Variants in EPB41L4A observed in about 807,000 individuals in gnomAD.
The protein encoded by EPB41L4A is band 4.1-like protein 4A.
A neutral mutation model predicts 108.6 loss-of-function variants in EPB41L4A; 100 were observed. The ratio of observed to expected loss-of-function variants is 0.92; its 90% CI spans 0.78 to 1.09. EPB41L4A has a LOEUF of 1.09. EPB41L4A is among the 50% of genes least tolerant of loss of function. The pLI, the probability that EPB41L4A is intolerant of heterozygous loss-of-function variation, is 0.00. For synonymous variants in EPB41L4A, 319 were observed against 289.0 expected (o/e 1.10, Z -1.05); for missense variants, 1,030 against 842.7 (o/e 1.22, Z -2.75).
intron 6 of EPB41L4A, among the ~76,000 whole-genome samples, chr5:112,263,253 TGTGA>T (rs562378493): frequency 6.6e-6 from 1 of 152,108 alleles, no homozygotes; most frequent in Non-Finnish European, 1.5e-5. Flanking sequence ...TGTGTGAGTG[TGTGA>T]GAGAGAGAGA....
At chr5:112,301,504 C>T (rs1190994363) in intron 2 of EPB41L4A, among the ~76,000 whole-genome samples, 1 of 152,162 alleles carries the variant, frequency 6.6e-6, no homozygotes, top group Non-Finnish European at 1.5e-5. Flanking sequence ...TGTGAACCAT[C>T]TTCATGTCTC....
At chr5:112,391,837 G>A (rs998138545) in intron 1 of EPB41L4A, among the ~76,000 whole-genome samples, 4 of 152,100 alleles carry the variant, frequency 2.6e-5, no homozygotes, top group African/African-American at 4.8e-5. Context: ...GAGAAAGGTC[G>A]GGTTACCCAC....
At chr5:112,215,544 T>C (rs185578839) in intron 12 of EPB41L4A, among the ~76,000 whole-genome samples, 2 of 151,900 alleles carry the variant, frequency 1.3e-5, no homozygotes, top group Admixed American at 6.6e-5. Flanking sequence ...GGGCGGATCA[T>C]GAGGTCAGGA....
chr5:112,204,003 C>T (rs1762344384), intron 15 of EPB41L4A, among the ~76,000 whole-genome samples: 1 of 151,462 alleles, frequency 6.6e-6, no homozygotes, highest in Non-Finnish European at 1.5e-5. Flanking sequence ...CGTGCCACTG[C>T]ACTCCAGCCT....
Position 112,262,578 on chromosome 5 carries a change from AC to A in EPB41L4A, c.557del (p.Gly186ValfsTer9), listed in dbSNP as rs1405568176. On this transcript the variant is annotated frameshift_variant and splice_region_variant, in exon 7 of 23. Transcript: ENST00000261486. LOFTEE classifies it high-confidence loss of function. ...TCAGCTCAGCCTCAGAAGGAATCTG[AC>A]CCCTACACCCAGCACAAAAACAAAG... Reference protein sequence around the residue: ...AIERIHKTLMGQIPSEAELNY... With the variant: ...AIERIHKTLMXQIPSEAELNY... 1.2e-6 allele frequency: 2 copies of A among 1,613,316 alleles called. No homozygotes were observed. The highest frequency in any genetic ancestry group is 1.7e-6 in the Non-Finnish European group (2 of 1,179,758).
At chr5:112,167,187 T>C (rs1259639647) in intron 22 of EPB41L4A, among the ~76,000 whole-genome samples, 2 of 142,360 alleles carry the variant, frequency 1.4e-5, no homozygotes, top group Non-Finnish European at 3.0e-5. Flanking sequence ...CCCTAGGAGG[T>C]AGGTTATCTA....
chr5:112,349,740 C>T (rs1342364073), intron 1 of EPB41L4A, among the ~76,000 whole-genome samples: 1 of 151,894 alleles, frequency 6.6e-6, no homozygotes, highest in Non-Finnish European at 1.5e-5. Flanking sequence ...AACATGGGGT[C>T]CAAAATGGCA....
intron 12 of EPB41L4A, among the ~76,000 whole-genome samples, chr5:112,227,334 G>A (rs556846167): frequency 1.8e-4 from 27 of 152,182 alleles, no homozygotes; most frequent in East Asian, 3.9e-4. Flanking sequence ...CCATTACAGC[G>A]AATATACCTC....
intron 17 of EPB41L4A, among the ~76,000 whole-genome samples, chr5:112,193,147 T>C (rs1761788360): frequency 6.6e-6 from 1 of 152,194 alleles, no homozygotes; most frequent in Non-Finnish European, 1.5e-5. Flanking sequence ...TAAAAAAATG[T>C]CCACTCTTAC....
chr5:112,379,084 A>C (rs1170160693), intron 1 of EPB41L4A, among the ~76,000 whole-genome samples: 1 of 152,184 alleles, frequency 6.6e-6, no homozygotes, highest in Non-Finnish European at 1.5e-5. Context: ...ATATCAAATC[A>C]GTGCATTCTC....
At chr5:112,320,284 T>C (rs111630087) in intron 1 of EPB41L4A, among the ~76,000 whole-genome samples, 2,030 of 152,280 alleles carry the variant, frequency 0.013, 54 homozygotes, top group South Asian at 0.055. Flanking sequence ...AGGAGAAGGC[T>C]GTGACCCACT....
chr5:112,217,595 G>C (rs1747744395), intron 12 of EPB41L4A, among the ~76,000 whole-genome samples: 1 of 152,152 alleles, frequency 6.6e-6, no homozygotes, highest in African/African-American at 2.4e-5. Context: ...CAGTTATTGA[G>C]ACTGAGGCAG....
intron 1 of EPB41L4A, among the ~76,000 whole-genome samples, chr5:112,376,721 G>A (rs1011989529): frequency 3.9e-5 from 6 of 152,164 alleles, no homozygotes; most frequent in East Asian, 3.8e-4. Context: ...CTGTTGACAC[G>A]TGCTACAAAC....
At chr5:112,376,963 G>A (rs946108884) in intron 1 of EPB41L4A, among the ~76,000 whole-genome samples, 1 of 152,058 alleles carries the variant, frequency 6.6e-6, no homozygotes, top group African/African-American at 2.4e-5. Flanking sequence ...CAGCACTTTG[G>A]GAGGCTGAAG....
intron 7 of EPB41L4A, among the ~76,000 whole-genome samples, chr5:112,261,855 T>C (rs1751509816): frequency 6.6e-6 from 1 of 152,096 alleles, no homozygotes; most frequent in Admixed American, 6.5e-5. Flanking sequence ...ATCCTCCTGT[T>C]TTCTGTCTAA....
At chr5:112,379,228 A>G (rs1265675308) in intron 1 of EPB41L4A, among the ~76,000 whole-genome samples, 1 of 152,178 alleles carries the variant, frequency 6.6e-6, no homozygotes, top group Non-Finnish European at 1.5e-5. Flanking sequence ...AAAATTAATA[A>G]CTGCAAGTTT....
intron 12 of EPB41L4A, among the ~76,000 whole-genome samples, chr5:112,148,891 G>A (rs1325096678): frequency 1.3e-5 from 2 of 152,138 alleles, no homozygotes; most frequent in Non-Finnish European, 2.9e-5. Flanking sequence ...CTAAGGTCCA[G>A]CATACACTAA....
At chr5:112,340,372 A>C (rs1432795952) in intron 1 of EPB41L4A, among the ~76,000 whole-genome samples, 2 of 152,150 alleles carry the variant, frequency 1.3e-5, no homozygotes, top group Non-Finnish European at 2.9e-5. Context: ...CCCAAAATGC[A>C]CGTTTAACAA....
At chr5:112,288,159 G>T (rs1008453356) in intron 2 of EPB41L4A, among the ~76,000 whole-genome samples, 1 of 152,088 alleles carries the variant, frequency 6.6e-6, no homozygotes, top group Non-Finnish European at 1.5e-5. Context: ...ATGCCTCATG[G>T]ACCCTTTCAA....
Sources: allele counts gnomAD v4.1 joint callset (sites outside exome capture counted in the v4.1 genomes callset), GRCh38; gene constraint gnomAD v4.1.1; transcripts MANE v1.5; gene names NCBI Gene and HGNC (gene_info 2026-07-23, HGNC 2026-07-21).